The following CERT1 variants were observed in gnomAD, a reference collection of about 807,000 sequenced individuals.
The protein encoded by CERT1 is ceramide transfer protein.
CERT1 carries 31 observed loss-of-function variants against 87.9 expected under a neutral mutation model. The ratio of observed to expected loss-of-function variants is 0.35; its 90% CI spans 0.27 to 0.48. The LOEUF (loss-of-function observed/expected upper bound fraction) is 0.48. CERT1 is among the 20% of genes least tolerant of loss of function. CERT1 has a pLI of 0.99. For missense variants in CERT1, 487 were observed against 758.0 expected, an observed-to-expected ratio of 0.64 and a Z score of 4.20; for synonymous variants, 289 against 250.9, an observed-to-expected ratio of 1.15 and a Z score of -1.44.
intron 3 of CERT1, among the ~76,000 whole-genome samples, chr5:75,445,251 T>C (rs1388290401): frequency 1.3e-5 from 2 of 152,228 alleles, no homozygotes; most frequent in African/African-American, 2.4e-5. Flanking sequence ...TTACAAACTG[T>C]TATTACAATA....
At chr5:75,373,835 C>T (rs927168986), downstream of CERT1, 27 of 349,884 alleles carry the variant, frequency 7.7e-5, no homozygotes, top group Non-Finnish European at 1.1e-4. Context: ...GATCTTAGGC[C>T]GGACCATAGT....
intron 2 of CERT1, among the ~76,000 whole-genome samples, chr5:75,484,713 AC>A (rs1238459751): frequency 2.0e-5 from 3 of 152,142 alleles, no homozygotes; most frequent in East Asian, 3.8e-4. Flanking sequence ...GCAACACTAG[AC>A]CACCCAGATA....
At chr5:75,410,693 G>A (rs1762899520) in intron 8 of CERT1, 1 of 151,054 alleles carries the variant, frequency 6.6e-6, no homozygotes, top group African/African-American at 2.8e-5. Context: ...TTTATAGTTT[G>A]CTTTTATGTT....
At chr5:75,451,993 C>T (rs1035987171) in intron 3 of CERT1, among the ~76,000 whole-genome samples, 1 of 152,150 alleles carries the variant, frequency 6.6e-6, no homozygotes, top group African/African-American at 2.4e-5. Flanking sequence ...TTTTTTCACA[C>T]TTCATTTTAT....
chr5:75,454,348 G>A (rs1446161304), intron 3 of CERT1, among the ~76,000 whole-genome samples: 1 of 151,980 alleles, frequency 6.6e-6, no homozygotes, highest in Non-Finnish European at 1.5e-5. Flanking sequence ...AAATAAATGT[G>A]GTTATATTAT....
At chr5:75,510,279 C>T (rs5744533) in intron 1 of CERT1, among the ~76,000 whole-genome samples, 35,559 of 151,850 alleles carry the variant, frequency 0.23, 4,312 homozygotes, top group South Asian at 0.43. Flanking sequence ...AATCTTCTTA[C>T]AGCAAAAACT....
intron 3 of CERT1, among the ~76,000 whole-genome samples, chr5:75,433,506 G>A (rs1763958514): frequency 6.6e-6 from 1 of 152,030 alleles, no homozygotes; most frequent in Non-Finnish European, 1.5e-5. Context: ...GGATGTTATT[G>A]GTGTATAGAA....
chr5:75,448,947 C>A (rs570769482), intron 3 of CERT1, among the ~76,000 whole-genome samples: 1 of 151,998 alleles, frequency 6.6e-6, no homozygotes, highest in South Asian at 2.1e-4. Flanking sequence ...AATCTAGTAA[C>A]AGTAACCTAA....
Position 75,385,915 on chromosome 5 carries a change from G to A in CERT1, c.1404C>T (p.Arg468=), listed in dbSNP as rs1415317259. Reference sequence around the variant, plus strand: ...ATGACAGCTTACTTTCCCAGTCATTGCGAACGTCAACATTCCAGAAATAAT... The same window carrying A: ...ATGACAGCTTACTTTCCCAGTCATTACGAACGTCAACATTCCAGAAATAAT... ...VCNYFWNVDV[R]NDWETTIENF... is the part of the protein sequence containing the mutation. Residue 468 remains arginine, a synonymous_variant, in exon 13 of 17, where the codon CGC becomes CGT. Coordinates refer to ENST00000643780, the MANE Select transcript of CERT1 (RefSeq NM_001379029.1). The A allele has an allele frequency of 6.5e-7, 1 of 1,538,516 alleles. No individual in the cohort carries two copies. Among genetic ancestry groups the A allele is most frequent in the Non-Finnish European group, 8.7e-7 (1 of 1,145,618 alleles).
intron 13 of CERT1, among the ~76,000 whole-genome samples, chr5:75,385,633 A>G (rs1761756825): frequency 6.6e-6 from 1 of 152,198 alleles, no homozygotes; most frequent in African/African-American, 2.4e-5. Flanking sequence ...CACTTTGCCT[A>G]TCTGAATTTT....
chr5:75,381,412 T>C (rs1412993635), intron 15 of CERT1, among the ~76,000 whole-genome samples: 1 of 151,922 alleles, frequency 6.6e-6, no homozygotes, highest in East Asian at 1.9e-4. Context: ...TGGAGTGCAG[T>C]GGTGCCATCA....
chr5:75,409,142 T>C (rs1431256156), intron 8 of CERT1, among the ~76,000 whole-genome samples: 3 of 152,158 alleles, frequency 2.0e-5, no homozygotes, highest in African/African-American at 7.2e-5. Flanking sequence ...AAAAAGTTGG[T>C]ATTTCTTCCA....
rs767958451 is a variant in CERT1 at position 75,381,218 on chromosome 5, C to T, written c.1618-17G>A. On this transcript the variant is annotated splice_polypyrimidine_tract_variant and intron_variant, in intron 15 of 16. Coordinates refer to ENST00000643780, the MANE Select transcript of CERT1 (RefSeq NM_001379029.1). ...GTTGTTTAGCTGCCAAAACAAAAAA[C>T]AAAGCATCAGTAGATACCCAGTATT... The T allele has an allele frequency of 1.2e-6, 2 of 1,613,744 alleles. No individual in the cohort carries two copies. Among genetic ancestry groups the T allele is most frequent in the African/African-American group, 1.3e-5 (1 of 74,898 alleles).
intron 8 of CERT1, among the ~76,000 whole-genome samples, chr5:75,403,641 G>A (rs183214363): frequency 2.6e-5 from 4 of 152,298 alleles, no homozygotes; most frequent in East Asian, 1.9e-4. Context: ...ATTCAGAGGC[G>A]GATCTTCCTA....
At chr5:75,472,999 G>A (rs953912824) in intron 2 of CERT1, among the ~76,000 whole-genome samples, 1 of 152,210 alleles carries the variant, frequency 6.6e-6, no homozygotes, top group Non-Finnish European at 1.5e-5. Context: ...CCAAGATATG[G>A]AATCAACCTC....
At chr5:75,413,737 A>T (rs1763024753) in intron 7 of CERT1, among the ~76,000 whole-genome samples, 1 of 152,002 alleles carries the variant, frequency 6.6e-6, no homozygotes, top group Non-Finnish European at 1.5e-5. Flanking sequence ...AACATCAACA[A>T]CACCCACACA....
At chr5:75,448,415 C>T (rs958928467) in intron 3 of CERT1, among the ~76,000 whole-genome samples, 2 of 152,112 alleles carry the variant, frequency 1.3e-5, no homozygotes, top group East Asian at 3.9e-4. Flanking sequence ...TACTTTGCTA[C>T]CTATTTTTAT....
intron 3 of CERT1, among the ~76,000 whole-genome samples, chr5:75,437,585 G>A (rs1196600953): frequency 6.6e-6 from 1 of 151,862 alleles, no homozygotes; most frequent in Admixed American, 6.6e-5. Context: ...GGCCAATATG[G>A]CAAAACCCAG....
intron 2 of CERT1, among the ~76,000 whole-genome samples, chr5:75,498,631 T>G (rs1197100173): frequency 6.6e-6 from 1 of 152,256 alleles, no homozygotes; most frequent in African/African-American, 2.4e-5. Flanking sequence ...AGTCAAGAAC[T>G]GAGGTTTGGG....
Sources: allele counts gnomAD v4.1 joint callset (sites outside exome capture counted in the v4.1 genomes callset), GRCh38; gene constraint gnomAD v4.1.1; transcripts MANE v1.5; gene names NCBI Gene and HGNC (gene_info 2026-07-23, HGNC 2026-07-21).